Variants in RBM20 observed in about 807,000 individuals in gnomAD.
The protein encoded by RBM20 is RNA binding motif protein 20, also known as RNA-binding protein 20.
RBM20 carries 51 observed loss-of-function variants against 110.1 expected under a neutral mutation model. The ratio of observed to expected loss-of-function variants is 0.46; its 90% CI spans 0.37 to 0.59. The LOEUF (loss-of-function observed/expected upper bound fraction) is 0.59. RBM20 is among the 20% of genes least tolerant of loss of function. The pLI, the probability that RBM20 is intolerant of heterozygous loss-of-function variation, is 0.00. For synonymous variants in RBM20, 589 were observed against 618.2 expected, an observed-to-expected ratio of 0.95 and a Z score of 0.70; for missense variants, 1,512 against 1,574.9, an observed-to-expected ratio of 0.96 and a Z score of 0.68.
At chr10:110,738,227 G>A (rs1564830584) in intron 1 of RBM20, among the ~76,000 whole-genome samples, 1 of 152,158 alleles carries the variant, frequency 6.6e-6, no homozygotes, top group African/African-American at 2.4e-5. Context: ...AAAACAGAGA[G>A]AGAGTTGGCG....
chr10:110,714,329 C>T (rs2134918771), intron 1 of RBM20, among the ~76,000 whole-genome samples: 1 of 152,290 alleles, frequency 6.6e-6, no homozygotes, highest in South Asian at 2.1e-4. Context: ...TATTGTTTGG[C>T]AGATGTCTCT....
At chr10:110,709,758 TG>T (rs748531083) in intron 1 of RBM20, among the ~76,000 whole-genome samples, 2 of 151,870 alleles carry the variant, frequency 1.3e-5, no homozygotes, top group Admixed American at 6.6e-5. Flanking sequence ...TTTGTAGAGA[TG>T]GGGGGTCTCA....
intron 1 of RBM20, among the ~76,000 whole-genome samples, chr10:110,725,465 C>A (rs573158097): frequency 3.0e-4 from 46 of 152,312 alleles, no homozygotes; most frequent in Non-Finnish European, 5.7e-4. Flanking sequence ...TTCTCAGTTA[C>A]TTCTATGTTA....
chr10:110,717,216 A>T (rs2134924378), intron 1 of RBM20, among the ~76,000 whole-genome samples: 1 of 152,274 alleles, frequency 6.6e-6, no homozygotes, highest in East Asian at 1.9e-4. Context: ...TTAATAAATG[A>T]TGAGGCTGGT....
At chr10:110,812,181 C>A (rs958413357) in intron 8 of RBM20, 97 bp from the exon 9 acceptor site, 94 of 1,090,224 alleles carry the variant, frequency 8.6e-5, no homozygotes, top group South Asian at 4.7e-5. Context: ...CAGTTACATG[C>A]ACAGTATATC....
intron 1 of RBM20, among the ~76,000 whole-genome samples, chr10:110,760,418 C>T (rs1048162427): frequency 1.0e-4 from 13 of 128,742 alleles, no homozygotes; most frequent in Non-Finnish European, 2.1e-4. Flanking sequence ...CAGCTGAATT[C>T]CATCATCTTT....
At chr10:110,712,099 A>C (rs1862939768) in intron 1 of RBM20, among the ~76,000 whole-genome samples, 1 of 152,162 alleles carries the variant, frequency 6.6e-6, no homozygotes, top group Non-Finnish European at 1.5e-5. Context: ...TCTCCAATTG[A>C]ATTATCATAT....
In RBM20 at chr10:110,656,217, G is replaced by A. The variant is rs576131758; in HGVS notation, c.191+11572G>A. 2.2e-4 allele frequency among the ~76,000 whole-genome samples: 33 copies of A among 152,182 alleles called. No homozygotes were observed. In the South Asian group the frequency reaches 2.3e-3, roughly 11 times the overall value. On this transcript the variant is annotated intron_variant, in intron 1 of 13. Coordinates refer to ENST00000369519, the MANE Select transcript of RBM20 (RefSeq NM_001134363.3). ...CTCTGGAGGCTGAGGCAGGAGAATCGTTTGAACTCGGGAGGCAGAGGTTAC... is the reference window on the plus strand; with the variant it reads ...CTCTGGAGGCTGAGGCAGGAGAATCATTTGAACTCGGGAGGCAGAGGTTAC...
chr10:110,806,590 A>G (rs1004083565), intron 7 of RBM20, among the ~76,000 whole-genome samples: 14 of 152,218 alleles, frequency 9.2e-5, no homozygotes, highest in African/African-American at 3.1e-4. Context: ...CACCTTCAAC[A>G]TCTGGGATTA....
In RBM20 at chr10:110,821,617, C is replaced by T. The variant is rs1844911645; in HGVS notation, c.2998C>T (p.Pro1000Ser). 1.3e-6 allele frequency: 2 copies of T among 1,551,336 alleles called. No homozygotes were observed. The highest frequency in any genetic ancestry group is 2.0e-5 in the Admixed American group (1 of 50,990). Residue 1000 changes from proline (P) to serine (S), a missense_variant, in exon 11 of 14, where the codon CCT becomes TCT. Pro to Ser is a moderately conservative substitution (Grantham distance 74, BLOSUM62 -1). Coordinates refer to ENST00000369519, the MANE Select transcript of RBM20 (RefSeq NM_001134363.3). ...TCCCAGTGACATGGACGTGGAAATG[C>T]CTGGCCTAAATCTGGATGCTGAGCG... ...SCPSDMDVEM[P>S]GLNLDAERKP...
intron 1 of RBM20, among the ~76,000 whole-genome samples, chr10:110,780,233 A>T (rs1001918055): frequency 1.3e-5 from 2 of 152,236 alleles, no homozygotes; most frequent in African/African-American, 4.8e-5. Context: ...TTGGTGTATC[A>T]TAATTTCCTC....
At chr10:110,774,972 G>T (rs1162031602) in intron 1 of RBM20, among the ~76,000 whole-genome samples, 1 of 152,130 alleles carries the variant, frequency 6.6e-6, no homozygotes, top group Middle Eastern at 3.2e-3. Context: ...CATAAATAAG[G>T]AATGTTTTAA....
At chr10:110,677,095 C>T (rs1471031441) in intron 1 of RBM20, among the ~76,000 whole-genome samples, 1 of 152,040 alleles carries the variant, frequency 6.6e-6, no homozygotes, top group Admixed American at 6.5e-5. Flanking sequence ...CTGGTAAGGG[C>T]CTTCTTGCTG....
intron 7 of RBM20, among the ~76,000 whole-genome samples, chr10:110,801,615 A>G (rs866096878): frequency 7.6e-4 from 114 of 150,802 alleles, no homozygotes; most frequent in African/African-American, 2.7e-3. Context: ...GCTCACTGCA[A>G]TCTCCACCTC....
rs895963682 is a variant in RBM20 at position 110,644,763 on chromosome 10, A to G, written c.191+118A>G. 2.7e-6 allele frequency: 2 copies of G among 750,286 alleles called. No individual in the cohort carries two copies. Among genetic ancestry groups the G allele is most frequent in the Admixed American group, 3.6e-5 (1 of 27,534 alleles). 46.5% of individuals were successfully genotyped at this position (750,286 alleles called of 1,614,324 possible). ...CTTCGCTCGCCCCCCTTGGGTTTGA[A>G]GTTTTCTCGTACCCCCTCTGGGCAG... On this transcript the variant is annotated intron_variant, in intron 1 of 13. Transcript: ENST00000369519. The surrounding 1 kb of genome is among the most constrained non-coding windows in gnomAD (Gnocchi z 4.3).
At chr10:110,666,127 G>T (rs909273494) in intron 1 of RBM20, among the ~76,000 whole-genome samples, 7 of 152,092 alleles carry the variant, frequency 4.6e-5, no homozygotes, top group African/African-American at 1.7e-4. Flanking sequence ...TAATGAAGGG[G>T]GGTGCAAAAT....
chr10:110,703,004 T>TG (rs1862782511), intron 1 of RBM20, among the ~76,000 whole-genome samples: 3 of 99,620 alleles, frequency 3.0e-5, no homozygotes, highest in South Asian at 3.9e-4. Context: ...TTTTTTTTTG[T>TG]TTTTTTTTTT....
chr10:110,752,945 A>ATATATATATATATAT (rs1433992064), intron 1 of RBM20, among the ~76,000 whole-genome samples: 1 of 109,014 alleles, frequency 9.2e-6, no homozygotes, highest in African/African-American at 3.8e-5. Flanking sequence ...ATATATATAT[A>ATATATATATATATAT]TTTTTTTTTT....
At chr10:110,663,152 G>A (rs1480791009) in intron 1 of RBM20, among the ~76,000 whole-genome samples, 1 of 151,968 alleles carries the variant, frequency 6.6e-6, no homozygotes, top group African/African-American at 2.4e-5. Context: ...TTTTAGTAGA[G>A]TCGGGGCGTT....
Sources: gnomAD v4.1 joint callset for allele counts (sites outside exome capture counted in the v4.1 genomes callset) on GRCh38, gnomAD v4.1.1 for gene constraint, Gnocchi (gnomAD v3.1) non-coding constraint, MANE v1.5 for transcripts, NCBI Gene and HGNC (gene_info 2026-07-23, HGNC 2026-07-21) for gene names.